Variants in SHISA6 observed in about 807,000 individuals in gnomAD.
The protein encoded by SHISA6 is protein shisa-6.
A neutral mutation model predicts 47.9 loss-of-function variants in SHISA6; 22 were observed. The ratio of observed to expected loss-of-function variants is 0.46; its 90% CI spans 0.33 to 0.66. SHISA6 has a LOEUF of 0.66. SHISA6 is among the 30% of genes least tolerant of loss of function. SHISA6 has a pLI of 0.02. For missense variants in SHISA6, 680 were observed against 764.6 expected (o/e 0.89, Z 1.30); for synonymous variants, 388 against 337.8 (o/e 1.15, Z -1.63).
chr17:11,351,403 T>C (rs1310071759), intron 2 of SHISA6, among the ~76,000 whole-genome samples: 2 of 152,218 alleles, frequency 1.3e-5, no homozygotes, highest in African/African-American at 2.4e-5. Flanking sequence ...AAAACAATTA[T>C]CTACATATTG....
rs76736893 is a variant in SHISA6, at chr17:11,361,053, TTTTG to T, written c.800-18359_800-18356del. On this transcript the variant is annotated intron_variant, in intron 2 of 5. Transcript: ENST00000441885. ...CTATGATCTTTTTTCCTGTTTTTTT[TTTTG>T]TGTGTGTGTTCCATTTATCTATTCT... 3.8e-3 allele frequency among the ~76,000 whole-genome samples: 442 copies of T among 117,780 alleles called. 2 individuals are homozygous for T. Among genetic ancestry groups the T allele is most frequent in the African/African-American group, 0.014 (427 of 31,252 alleles). 77.3% of individuals were successfully genotyped at this position (117,780 alleles called of 152,430 possible).
At chr17:11,374,559 T>C (rs1912730354) in intron 2 of SHISA6, among the ~76,000 whole-genome samples, 1 of 152,118 alleles carries the variant, frequency 6.6e-6, no homozygotes, top group Admixed American at 6.5e-5. Context: ...TGTATATTTT[T>C]CCCCTATTTA....
At chr17:11,368,106 T>C (rs1377587771) in intron 2 of SHISA6, among the ~76,000 whole-genome samples, 1 of 152,172 alleles carries the variant, frequency 6.6e-6, no homozygotes, top group African/African-American at 2.4e-5. Context: ...TCTATACACG[T>C]GACTACATTT....
At chr17:11,403,145 G>A (rs1408510892) in intron 3 of SHISA6, among the ~76,000 whole-genome samples, 1 of 152,192 alleles carries the variant, frequency 6.6e-6, no homozygotes, top group East Asian at 1.9e-4. Flanking sequence ...ACTTCATAAT[G>A]TAGCCTACTT....
chr17:11,292,825 T>C lies in SHISA6; in HGVS notation c.799+29299T>C, dbSNP rs1909599214. 2.7e-5 allele frequency among the ~76,000 whole-genome samples: 2 copies of C among 74,662 alleles called. 1 individual carries two copies. Among genetic ancestry groups the C allele is most frequent in the Admixed American group, 2.3e-4 (2 of 8,698 alleles). The allele number at this position is 74,662 out of a possible 152,430, so 49.0% of individuals were successfully genotyped here. A position where few individuals can be genotyped will look rare whatever the true frequency, so the allele number is the denominator to read the frequency against. On this transcript the variant is annotated intron_variant, in intron 2 of 5. Transcript: ENST00000441885. The stretch of plus-strand genomic sequence containing the variant: ...CAAGCAGGAGCCACAATCAGATTGA[T>C]TTTTTTTTTTTTTTTTGAGATGGAG...
intron 3 of SHISA6, among the ~76,000 whole-genome samples, chr17:11,433,628 C>G (rs1914852397): frequency 6.6e-6 from 1 of 152,208 alleles, no homozygotes; most frequent in Admixed American, 6.5e-5. Context: ...CCCAGAAATC[C>G]CATTACTGGG....
intron 3 of SHISA6, among the ~76,000 whole-genome samples, chr17:11,465,749 C>G (rs144975269): frequency 6.6e-6 from 1 of 152,182 alleles, no homozygotes; most frequent in South Asian, 2.1e-4. Context: ...TGCTTCAAGG[C>G]TGAGCTTCAT....
intron 2 of SHISA6, among the ~76,000 whole-genome samples, chr17:11,332,709 AG>A (rs1214693906): frequency 6.6e-6 from 1 of 152,134 alleles, no homozygotes; most frequent in Non-Finnish European, 1.5e-5. Context: ...TTTAAATTCA[AG>A]TGGATAGATT....
intron 3 of SHISA6, among the ~76,000 whole-genome samples, chr17:11,549,064 A>C (rs1318833609): frequency 6.6e-6 from 1 of 152,248 alleles, no homozygotes; most frequent in Non-Finnish European, 1.5e-5. Context: ...GTCATTCTGC[A>C]TACATGTAAA....
At chr17:11,441,097 A>T (rs754589134) in intron 3 of SHISA6, among the ~76,000 whole-genome samples, 2 of 152,100 alleles carry the variant, frequency 1.3e-5, no homozygotes, top group Non-Finnish European at 2.9e-5. Flanking sequence ...AACAAAAAAA[A>T]CCTTCTTCCC....
At chr17:11,301,309 T>C (rs1909920381) in intron 2 of SHISA6, among the ~76,000 whole-genome samples, 1 of 152,108 alleles carries the variant, frequency 6.6e-6, no homozygotes, top group Non-Finnish European at 1.5e-5. Context: ...TTACACATTC[T>C]CCAGGCATCA....
At chr17:11,409,153 G>A (rs998828489) in intron 3 of SHISA6, among the ~76,000 whole-genome samples, 2 of 152,072 alleles carry the variant, frequency 1.3e-5, no homozygotes, top group East Asian at 3.9e-4. Context: ...TAGCTGCAGT[G>A]TCTAAAATAA....
At chr17:11,513,914 C>T (rs1160368608) in intron 3 of SHISA6, among the ~76,000 whole-genome samples, 1 of 152,164 alleles carries the variant, frequency 6.6e-6, no homozygotes, top group Non-Finnish European at 1.5e-5. Context: ...CGGGACTCTC[C>T]AGTACAATTT....
chr17:11,553,597 C>A (rs894861961), intron 4 of SHISA6, among the ~76,000 whole-genome samples: 7 of 152,056 alleles, frequency 4.6e-5, no homozygotes, highest in Non-Finnish European at 7.4e-5. Context: ...CCCTTCTTTC[C>A]CAGGAGCTGG....
chr17:11,275,755 A>G (rs1474655669), intron 2 of SHISA6, among the ~76,000 whole-genome samples: 1 of 152,128 alleles, frequency 6.6e-6, no homozygotes, highest in Non-Finnish European at 1.5e-5. Flanking sequence ...CCTGCTTGGT[A>G]TGAAGAAGAG....
At chr17:11,486,188 T>C (rs1465940310) in intron 3 of SHISA6, among the ~76,000 whole-genome samples, 1 of 152,186 alleles carries the variant, frequency 6.6e-6, no homozygotes, top group Non-Finnish European at 1.5e-5. Context: ...GAGTGATTTC[T>C]TCCACGTGGC....
intron 3 of SHISA6, among the ~76,000 whole-genome samples, chr17:11,387,835 G>A (rs58129113): frequency 0.15 from 23,395 of 152,126 alleles, 1,855 homozygotes; most frequent in South Asian, 0.24. Flanking sequence ...ATCCTACCCA[G>A]CACTGCCTTC....
At chr17:11,446,493 A>G (rs1915241573) in intron 3 of SHISA6, among the ~76,000 whole-genome samples, 1 of 152,238 alleles carries the variant, frequency 6.6e-6, no homozygotes, top group Non-Finnish European at 1.5e-5. Context: ...TGACCTTTAG[A>G]ATAGAACATT....
At chr17:11,533,874 AGCCACC>A in intron 3 of SHISA6, among the ~76,000 whole-genome samples, 1 of 151,830 alleles carries the variant, frequency 6.6e-6, no homozygotes, top group African/African-American at 2.4e-5. Flanking sequence ...TACAGGCGTG[AGCCACC>A]GCGCCCAGCC....
Sources: gnomAD v4.1 joint callset for allele counts (sites outside exome capture counted in the v4.1 genomes callset) on GRCh38, gnomAD v4.1.1 for gene constraint, MANE v1.5 for transcripts, NCBI Gene and HGNC (gene_info 2026-07-23, HGNC 2026-07-21) for gene names.